Variants in SEPTIN14 observed in about 807,000 individuals in gnomAD.
SEPTIN14 encodes the protein septin-14.
A neutral mutation model predicts 53.6 loss-of-function variants in SEPTIN14; 40 were observed. That is an observed-to-expected ratio of 0.75 (90% CI 0.58 to 0.97). SEPTIN14 has a LOEUF of 0.97. Among genes scored for constraint, SEPTIN14 ranks in the 50% least tolerant of loss-of-function variants. SEPTIN14 has a pLI of 0.00. For synonymous variants in SEPTIN14, 138 were observed against 166.8 expected (o/e 0.83, Z 1.33); for missense variants, 471 against 508.2 (o/e 0.93, Z 0.70).
rs138625854 is a variant in SEPTIN14, at chr7:55,801,162, C to T, written c.1119+4096G>A. Among the ~76,000 whole-genome samples the T allele has an allele frequency of 2.6e-3, 389 of 151,574 alleles. 1 individual carries two copies. The highest frequency in any genetic ancestry group is 0.016 in the East Asian group (81 of 5,152). ...AAAAGAAAAAGAAAAACAAACCAAG[C>T]GCAAAGTCAGTAAAAGCAAGAAAAT... is the stretch of plus-strand genomic sequence containing the variant. On this transcript the variant is annotated intron_variant, in intron 9 of 9. Transcript: ENST00000388975.
At chr7:55,799,377 G>A (rs1039707120) in intron 9 of SEPTIN14, among the ~76,000 whole-genome samples, 1 of 149,776 alleles carries the variant, frequency 6.7e-6, no homozygotes, top group Non-Finnish European at 1.5e-5. Context: ...AATTAGCCAC[G>A]CCTTGTAGTG....
At chr7:55,829,634 A>G (rs1487352891) in intron 6 of SEPTIN14, among the ~76,000 whole-genome samples, 1 of 151,920 alleles carries the variant, frequency 6.6e-6, no homozygotes, top group Non-Finnish European at 1.5e-5. Context: ...CTGGAGGTGC[A>G]GAGGGCCAGA....
At chr7:55,852,387 A>G (rs1309356492) in intron 2 of SEPTIN14, among the ~76,000 whole-genome samples, 1 of 152,156 alleles carries the variant, frequency 6.6e-6, no homozygotes, top group Admixed American at 6.6e-5. Flanking sequence ...AAATTCAGAC[A>G]TGTACAGTGA....
At chr7:55,823,701 G>A (rs1261552697) in intron 6 of SEPTIN14, among the ~76,000 whole-genome samples, 1 of 152,090 alleles carries the variant, frequency 6.6e-6, no homozygotes, top group Non-Finnish European at 1.5e-5. Flanking sequence ...TCACAACCTT[G>A]GCATTATCAG....
intron 2 of SEPTIN14, among the ~76,000 whole-genome samples, chr7:55,848,164 G>C (rs966294661): frequency 5.9e-5 from 9 of 152,112 alleles, no homozygotes; most frequent in African/African-American, 2.2e-4. Context: ...CATTTATTTT[G>C]TACCTTTATA....
At position 55,846,619 on chromosome 7, in the gene SEPTIN14, G is replaced by T; in HGVS notation, c.73C>A (p.Arg25Ser). ...AAATGTCCAATCGTAGTTAAACAAC[G>T]AATATTATTTTCTTTTTGCTTAAAT... The part of the protein sequence containing the change: ...DGDTQKENNI[R>S]CLTTIGHFGF... Residue 25 changes from arginine to serine, a missense_variant, in exon 3 of 10, where the codon CGT (arginine) becomes AGT (serine). By Grantham distance (110) the Arg-to-Ser change is moderately radical. Transcript: ENST00000388975. 6.8e-7 allele frequency: 1 copy of T among 1,475,130 alleles called. No homozygotes were observed. Among genetic ancestry groups the T allele is most frequent in the Non-Finnish European group, 9.4e-7 (1 of 1,063,396 alleles). 91.4% of individuals were successfully genotyped at this position (1,475,130 alleles called of 1,614,324 possible).
chr7:55,801,813 C>T (rs767277659), intron 9 of SEPTIN14, among the ~76,000 whole-genome samples: 11 of 151,718 alleles, frequency 7.3e-5, no homozygotes, highest in Non-Finnish European at 1.2e-4. Flanking sequence ...CCCAGCTACT[C>T]GAGAAGCTGA....
rs984072738 is a variant in SEPTIN14, at chr7:55,794,480, C to A, written c.*1433G>T. The A allele has an allele frequency of 6.6e-6, 1 of 152,072 alleles. No homozygotes were observed. Among genetic ancestry groups the A allele is most frequent in the Non-Finnish European group, 1.5e-5 (1 of 68,030 alleles). 9.4% of individuals were successfully genotyped at this position (152,072 alleles called of 1,614,324 possible). A position where few individuals can be genotyped will look rare whatever the true frequency, so the allele number is the denominator to read the frequency against. On this transcript the variant is annotated 3_prime_UTR_variant, in exon 10 of 10. Coordinates refer to ENST00000388975, the MANE Select transcript of SEPTIN14 (RefSeq NM_207366.3). The stretch of plus-strand genomic sequence containing the variant: ...TATTCAATGAATAATTGCTGCTATG[C>A]GTCAGACATTTTTCTAGGCCTAGGA...
chr7:55,829,954 G>A (rs1359994818), intron 6 of SEPTIN14, among the ~76,000 whole-genome samples: 5 of 151,650 alleles, frequency 3.3e-5, no homozygotes, highest in Admixed American at 6.6e-5. Context: ...CGAGGCGGGC[G>A]GATCACGAGG....
In SEPTIN14 at chr7:55,793,822, A is replaced by T; in HGVS notation, c.*2091T>A. 6.6e-6 allele frequency: 1 copy of T among 152,164 alleles called. No homozygotes were observed. The highest frequency in any genetic ancestry group is 1.9e-4 in the East Asian group (1 of 5,196). 9.4% of individuals were successfully genotyped at this position (152,164 alleles called of 1,614,324 possible). ...TAGAATATACACAAAAGGAAATGAG[A>T]ATAGAAACAAAACTTGTCACTACAA... is the stretch of plus-strand genomic sequence containing the variant. On this transcript the variant is annotated 3_prime_UTR_variant, in exon 10 of 10. Transcript: ENST00000388975.
intron 7 of SEPTIN14, among the ~76,000 whole-genome samples, chr7:55,811,600 C>G (rs1182987208): frequency 7.1e-6 from 1 of 141,458 alleles, no homozygotes; most frequent in Non-Finnish European, 1.5e-5. Context: ...CTCCCAGGTT[C>G]AAGTGATTCT....
intron 2 of SEPTIN14, among the ~76,000 whole-genome samples, chr7:55,854,446 T>G (rs1457282515): frequency 6.6e-6 from 1 of 152,116 alleles, no homozygotes; most frequent in Non-Finnish European, 1.5e-5. Flanking sequence ...CTTTTTTTTT[T>G]TGAGACGGAG....
intron 5 of SEPTIN14, among the ~76,000 whole-genome samples, chr7:55,836,504 C>T (rs1340333810): frequency 6.6e-6 from 1 of 152,130 alleles, no homozygotes; most frequent in African/African-American, 2.4e-5. Context: ...TTTGGGAGGC[C>T]AAGACTGGCA....
intron 9 of SEPTIN14, among the ~76,000 whole-genome samples, chr7:55,803,337 C>A: frequency 6.6e-6 from 1 of 152,022 alleles, no homozygotes; most frequent in East Asian, 1.9e-4. Flanking sequence ...ATTTAAACCA[C>A]AATTAGATGG....
intron 6 of SEPTIN14, 95 bp downstream of exon 6, chr7:55,834,330 G>A (rs1789164691): frequency 1.2e-6 from 1 of 823,688 alleles, no homozygotes; most frequent in African/African-American, 1.8e-5. Context: ...CTCAGCAGAA[G>A]CTTTACAAAA....
chr7:55,795,083 G>A lies in SEPTIN14; in HGVS notation c.*830C>T, dbSNP rs1214926507. The A allele has an allele frequency of 6.6e-6, 1 of 152,138 alleles. No homozygotes were observed. Among genetic ancestry groups the A allele is most frequent in the East Asian group, 1.9e-4 (1 of 5,200 alleles). The allele number at this position is 152,138 out of a possible 1,614,324, so 9.4% of individuals were successfully genotyped here. A position where few individuals can be genotyped will look rare whatever the true frequency, so the allele number is the denominator to read the frequency against. ...TATCAGTTTTAAGTCTGACACAAAAGCATGGGAGTTCTTATCAAATTCCAA... is the reference window on the plus strand; with the variant it reads ...TATCAGTTTTAAGTCTGACACAAAAACATGGGAGTTCTTATCAAATTCCAA... On this transcript the variant is annotated 3_prime_UTR_variant, in exon 10 of 10. Transcript: ENST00000388975.
intron 2 of SEPTIN14, among the ~76,000 whole-genome samples, chr7:55,851,868 C>T (rs922701484): frequency 2.0e-5 from 3 of 151,870 alleles, no homozygotes; most frequent in South Asian, 2.1e-4. Context: ...AGAGGCTGGG[C>T]GCAGTGGCTC....
In SEPTIN14 at chr7:55,819,232, C is replaced by T. The variant is rs1788849558; in HGVS notation, c.721-9G>A. 4.0e-6 allele frequency: 6 copies of T among 1,508,188 alleles called. No homozygotes were observed. The highest frequency in any genetic ancestry group is 5.4e-6 in the Non-Finnish European group (6 of 1,105,714). 93.4% of individuals were successfully genotyped at this position (1,508,188 alleles called of 1,614,324 possible). A position where few individuals can be genotyped will look rare whatever the true frequency, so the allele number is the denominator to read the frequency against. On this transcript the variant is annotated splice_polypyrimidine_tract_variant and intron_variant, in intron 6 of 9. Coordinates refer to ENST00000388975, the MANE Select transcript of SEPTIN14 (RefSeq NM_207366.3). ...GCAAAGGGTAACAGCCCCTAGAAAACAAGAATGACATGAATTGAATTCTCT... is the reference window on the plus strand; with the variant it reads ...GCAAAGGGTAACAGCCCCTAGAAAATAAGAATGACATGAATTGAATTCTCT...
rs564398385 is a variant in SEPTIN14, at chr7:55,820,812, C to A, written c.721-1589G>T. Reference sequence around the variant, plus strand: ...GAAATTAGCGGGGCATGGTGGCAGGCACATGTAATCCCAGCTACTTGGGAG... The same window carrying A: ...GAAATTAGCGGGGCATGGTGGCAGGAACATGTAATCCCAGCTACTTGGGAG... On this transcript the variant is annotated intron_variant, in intron 6 of 9. Transcript: ENST00000388975. Among the ~76,000 whole-genome samples, 11 of 152,026 alleles carry A rather than the reference C, an allele frequency of 7.2e-5. No individual in the cohort carries two copies. In the South Asian group the frequency reaches 2.3e-3, roughly 32 times the overall value.
Sources: allele counts gnomAD v4.1 joint callset (sites outside exome capture counted in the v4.1 genomes callset), GRCh38; gene constraint gnomAD v4.1.1; transcripts MANE v1.5; gene names NCBI Gene and HGNC (gene_info 2026-07-23, HGNC 2026-07-21).